The following ATP6AP1 variants were observed in gnomAD, a reference collection of about 807,000 sequenced individuals.
ATP6AP1 encodes ATPase H+ transporting accessory protein 1, also known as V-type proton ATPase subunit S1.
ATP6AP1 carries 1 observed loss-of-function variant against 32.0 expected under a neutral mutation model. That is an observed-to-expected ratio of 0.03 (90% CI 0.01 to 0.15). ATP6AP1 has a LOEUF of 0.15. Among genes scored for constraint, ATP6AP1 ranks in the 10% least tolerant of loss-of-function variants. ATP6AP1 has a pLI of 1.00. For synonymous variants in ATP6AP1, 187 were observed against 174.9 expected, an observed-to-expected ratio of 1.07 and a Z score of -0.55; for missense variants, 297 against 398.8, an observed-to-expected ratio of 0.74 and a Z score of 2.17.
chrX:154,435,915 G>A lies in ATP6AP1; in HGVS notation c.*24G>A. ...GACCCTGTGCCAGTGGGGGGGTTGA[G>A]GGTGGGACGGTGTCCGTGTTGTTGC... On this transcript the variant is annotated 3_prime_UTR_variant, in exon 10 of 10. Coordinates refer to ENST00000369762, the MANE Select transcript of ATP6AP1 (RefSeq NM_001183.6). 1 of 1,184,090 alleles carries A rather than the reference G, an allele frequency of 8.4e-7. No individual in the cohort carries two copies. The highest frequency in any genetic ancestry group is 2.3e-4 in the Middle Eastern group (1 of 4,269).
intron 2 of ATP6AP1, chrX:154,431,605 A>T: frequency 2.5e-6 from 1 of 396,839 alleles, no homozygotes; most frequent in Admixed American, 4.3e-5. Context: ...TCCCCACCCC[A>T]TGACTGCCTT....
chrX:154,432,308 G>A lies in ATP6AP1; in HGVS notation c.406G>A (p.Val136Ile), dbSNP rs782516905. The A allele has an allele frequency of 1.2e-5, 15 of 1,210,019 alleles. No individual in the cohort carries two copies. Among genetic ancestry groups the A allele is most frequent in the Middle Eastern group, 2.3e-4 (1 of 4,313 alleles). The change falls in exon 4 of 10, where the codon GTC (valine) becomes ATC (isoleucine). Residue 136 changes from valine (V) to isoleucine (I), a missense_variant. Around this residue, in one of 2 missense-constraint regions of ATP6AP1, gnomAD observed 142 missense variants for 145.0 expected, o/e 0.98. Coordinates refer to ENST00000369762, the MANE Select transcript of ATP6AP1 (RefSeq NM_001183.6). Reference protein sequence around the residue: ...LAPSSLVLPAVDWYAVSTLTT... With the variant: ...LAPSSLVLPAIDWYAVSTLTT... ...CCCCTCCTCACTGGTGCTTCCTGCCGTCGACTGGTATGCAGTCAGCACTCT... is the reference window on the plus strand; with the variant it reads ...CCCCTCCTCACTGGTGCTTCCTGCCATCGACTGGTATGCAGTCAGCACTCT...
In ATP6AP1 at chrX:154,432,258, G is replaced by A. The variant is rs967595050; in HGVS notation, c.364-8G>A. The A allele has an allele frequency of 1.7e-6, 2 of 1,192,054 alleles. No homozygotes were observed. Among genetic ancestry groups the A allele is most frequent in the Non-Finnish European group, 2.3e-6 (2 of 882,560 alleles). On this transcript the variant is annotated splice_region_variant and splice_polypyrimidine_tract_variant and intron_variant, in intron 3 of 9. Coordinates refer to ENST00000369762, the MANE Select transcript of ATP6AP1 (RefSeq NM_001183.6). ...CTAACTCACCTTTTGCCTCTCCCCT[G>A]TCCCCAGAATGCCCTGGACCTGGCC...
At position 154,436,220 on chromosome X, in the gene ATP6AP1, C is replaced by A. The variant is rs1470445573; in HGVS notation, c.*329C>A. 1.1e-5 allele frequency: 3 copies of A among 285,544 alleles called. No individual in the cohort carries two copies. The highest frequency in any genetic ancestry group is 1.8e-5 in the Non-Finnish European group (3 of 162,485). The allele number at this position is 285,544 out of a possible 1,213,427, so 23.5% of individuals were successfully genotyped here. On this transcript the variant is annotated 3_prime_UTR_variant, in exon 10 of 10. Coordinates refer to ENST00000369762, the MANE Select transcript of ATP6AP1 (RefSeq NM_001183.6). Reference sequence around the variant, plus strand: ...ACATCATCCCTGGCTGTGGATAGTGCTTTTGTGTAGCAAATGCTCCCTCCT... The same window carrying A: ...ACATCATCCCTGGCTGTGGATAGTGATTTTGTGTAGCAAATGCTCCCTCCT...
intron 9 of ATP6AP1, 87 bp from the exon 10 acceptor site, chrX:154,435,595 G>T (rs2068715087): frequency 8.6e-7 from 1 of 1,166,591 alleles, no homozygotes; most frequent in Non-Finnish European, 1.2e-6. Context: ...GCATGTAGTT[G>T]AGAGTCCTGT....
chrX:154,433,758 G>A (rs2068705926), intron 6 of ATP6AP1, 38 bp downstream of exon 6: 2 of 1,177,470 alleles, frequency 1.7e-6, no homozygotes, highest in Non-Finnish European at 2.3e-6. Flanking sequence ...GGGCGTGCAG[G>A]GAGAGGCAGT....
intron 2 of ATP6AP1, 128 bp from the exon 3 acceptor site, chrX:154,431,702 C>T: frequency 1.7e-6 from 1 of 598,346 alleles, no homozygotes; most frequent in East Asian, 3.3e-5. Flanking sequence ...TTGTGCTCCA[C>T]CATACTGAAC....
At chrX:154,432,492 G>A in intron 4 of ATP6AP1, 33 bp downstream of exon 4, 2 of 1,145,490 alleles carry the variant, frequency 1.7e-6, no homozygotes, top group Non-Finnish European at 2.3e-6. Context: ...ACCAGCCTCG[G>A]GGCCCAGAGA....
intron 2 of ATP6AP1, 89 bp from the exon 3 acceptor site, chrX:154,431,741 T>G: frequency 8.7e-6 from 8 of 920,555 alleles, no homozygotes; most frequent in Non-Finnish European, 1.1e-5. Flanking sequence ...TTGCTGGCCC[T>G]GAGAATGCAC....
chrX:154,431,384 C>T (rs370109947), intron 2 of ATP6AP1: 3 of 138,967 alleles, frequency 2.2e-5, no homozygotes, highest in Non-Finnish European at 4.2e-5. Flanking sequence ...CTCTCCCCTT[C>T]CGCCAAAAGC....
intron 5 of ATP6AP1, 26 bp downstream of exon 5, chrX:154,432,997 G>A (rs782606164): frequency 8.3e-7 from 1 of 1,205,778 alleles, no homozygotes; most frequent in Non-Finnish European, 1.1e-6. Flanking sequence ...GAGGATGCAC[G>A]TCCTCATCTA....
Position 154,432,423 on chromosome X carries a change from C to G in ATP6AP1, c.521C>G (p.Pro174Arg). 5.8e-6 allele frequency: 7 copies of G among 1,197,632 alleles called. No homozygotes were observed. The highest frequency in any genetic ancestry group is 5.6e-6 in the Non-Finnish European group (5 of 888,269). Residue 174 changes from proline to arginine, a missense_variant, in exon 4 of 10, where the codon CCT (proline) becomes CGT (arginine). Around this residue, in one of 2 missense-constraint regions of ATP6AP1, gnomAD observed 155 missense variants for 253.8 expected, o/e 0.61. Transcript: ENST00000369762. ...GAGCTGAAGCTCAATGCCAGCCTCC[C>G]TGCTCTGCTGCTCATTCGCCTGCCC... ...LRELKLNASL[P>R]ALLLIRLPYT...
In ATP6AP1 at chrX:154,432,330, C is replaced by T; in HGVS notation, c.428C>T (p.Thr143Ile). The change falls in exon 4 of 10, where the codon ACT becomes ATT. Residue 143 changes from threonine (T) to isoleucine (I), a missense_variant. Transcript: ENST00000369762. ...GCCGTCGACTGGTATGCAGTCAGCA[C>T]TCTGACCACTTACCTGCAGGAGAAG... ...LPAVDWYAVS[T>I]LTTYLQEKLG... 4 of 1,212,506 alleles carry T rather than the reference C, an allele frequency of 3.3e-6. No homozygotes were observed. The highest frequency in any genetic ancestry group is 3.0e-5 in the East Asian group (1 of 33,870).
chrX:154,431,465 C>A, intron 2 of ATP6AP1: 1 of 199,754 alleles, frequency 5.0e-6, no homozygotes, highest in Non-Finnish European at 9.2e-6. Context: ...AGGCCTGCCA[C>A]AAATGCTCTT....
intron 4 of ATP6AP1, 38 bp from the exon 5 acceptor site, chrX:154,432,893 C>A (rs2068701519): frequency 1.7e-6 from 2 of 1,207,183 alleles, no homozygotes; most frequent in East Asian, 5.9e-5. Context: ...CAGGTCCAGG[C>A]CGCCTGAGGA....
At position 154,432,465 on chromosome X, in the gene ATP6AP1, G is replaced by C; in HGVS notation, c.557+6G>C. 1 of 1,164,162 alleles carries C rather than the reference G, an allele frequency of 8.6e-7. No homozygotes were observed. The highest frequency in any genetic ancestry group is 1.1e-6 in the Non-Finnish European group (1 of 870,360). ...CGCCTGCCCTACACAGCCAGGTACT[G>C]CCCGCATGGCCCAGCCACCAGCCTC... On this transcript the variant is annotated splice_donor_region_variant and intron_variant, in intron 4 of 9. Transcript: ENST00000369762.
rs1201885928 is a variant in ATP6AP1, at chrX:154,432,947, C to T, written c.574C>T (p.Pro192Ser). The change falls in exon 5 of 10, where the codon CCC becomes TCC. Residue 192 changes from proline to serine, a missense_variant. Physicochemically the swap from Pro to Ser is moderately conservative, Grantham distance 74. This residue lies in a region of ATP6AP1 where 155 missense variants were observed against 253.8 expected (regional missense o/e 0.61). Coordinates refer to ENST00000369762, the MANE Select transcript of ATP6AP1 (RefSeq NM_001183.6). ...CTTCCATAGCTCTGGTCTGATGGCACCCAGGGAAGTCCTCACAGGCAACGG... is the reference window on the plus strand; with the variant it reads ...CTTCCATAGCTCTGGTCTGATGGCATCCAGGGAAGTCCTCACAGGCAACGG... ...PYTASSGLMA[P>S]REVLTGNDEV... 1 of 1,211,698 alleles carries T rather than the reference C, an allele frequency of 8.3e-7. No individual in the cohort carries two copies. Among genetic ancestry groups the T allele is most frequent in the East Asian group, 3.0e-5 (1 of 33,846 alleles).
In ATP6AP1 at chrX:154,428,845, G is replaced by A. The variant is rs1557196304; in HGVS notation, c.153G>A (p.Ser51=). 9.2e-7 allele frequency: 1 copy of A among 1,090,893 alleles called. No individual in the cohort carries two copies. Among genetic ancestry groups the A allele is most frequent in the African/African-American group, 1.9e-5 (1 of 51,451 alleles). 89.9% of individuals were successfully genotyped at this position (1,090,893 alleles called of 1,213,427 possible). The change falls in exon 1 of 10, where the codon TCG becomes TCA. Residue 51 remains serine (S), a synonymous_variant. Coordinates refer to ENST00000369762, the MANE Select transcript of ATP6AP1 (RefSeq NM_001183.6). The part of the protein sequence containing the change: ...AEQQVPLVLW[S]SDRDLWAPAA... ...AGCAGGTCCCGCTGGTGCTGTGGTC[G>A]AGTGACCGGTGAGCGGGCCGGGGTG...
chrX:154,428,764 G>A lies in ATP6AP1; in HGVS notation c.72G>A (p.Pro24=), dbSNP rs1326616907. 5.3e-6 allele frequency: 6 copies of A among 1,134,298 alleles called. No individual in the cohort carries two copies. Among genetic ancestry groups the A allele is most frequent in the Non-Finnish European group, 6.9e-6 (6 of 863,726 alleles). 93.5% of individuals were successfully genotyped at this position (1,134,298 alleles called of 1,213,427 possible). A position where few individuals can be genotyped will look rare whatever the true frequency, so the allele number is the denominator to read the frequency against. Residue 24 remains proline, a synonymous_variant, in exon 1 of 10, where the codon CCG becomes CCA. Coordinates refer to ENST00000369762, the MANE Select transcript of ATP6AP1 (RefSeq NM_001183.6). ...PRCAQALWRM[P]WLPVFLSLAA... ...GCGCCCAGGCGCTCTGGCGCATGCC[G>A]TGGCTGCCGGTGTTTTTGTCGTTGG...
Sources: allele counts gnomAD v4.1 joint callset, GRCh38; gene constraint gnomAD v4.1.1; regional missense constraint gnomAD v4.1.1; transcripts MANE v1.5; gene names NCBI Gene and HGNC (gene_info 2026-07-23, HGNC 2026-07-21).